The following SLC25A12 variants were observed in gnomAD, a reference collection of about 807,000 sequenced individuals.
SLC25A12 encodes the protein electrogenic aspartate/glutamate antiporter SLC25A12, mitochondrial.
A neutral mutation model predicts 83.3 loss-of-function variants in SLC25A12; 32 were observed. That is an observed-to-expected ratio of 0.38 (90% CI 0.29 to 0.52). SLC25A12 has a LOEUF of 0.52. Ranked by LOEUF, SLC25A12 falls within the 20% of genes least tolerant of loss-of-function variation. SLC25A12 has a pLI of 0.84. For synonymous variants in SLC25A12, 267 were observed against 291.1 expected, an observed-to-expected ratio of 0.92 and a Z score of 0.84; for missense variants, 611 against 835.6, an observed-to-expected ratio of 0.73 and a Z score of 3.31.
chr2:171,807,327 G>A (rs543874593), intron 13 of SLC25A12, among the ~76,000 whole-genome samples: 1 of 152,120 alleles, frequency 6.6e-6, no homozygotes, highest in Non-Finnish European at 1.5e-5. Context: ...GATTTAGAGT[G>A]TCAGCACAAC....
intron 6 of SLC25A12, among the ~76,000 whole-genome samples, chr2:171,836,765 G>C (rs2105888444): frequency 6.6e-6 from 1 of 152,258 alleles, no homozygotes; most frequent in African/African-American, 2.4e-5. Flanking sequence ...ACTGGAAAAA[G>C]TAATTGCTCA....
intron 9 of SLC25A12, among the ~76,000 whole-genome samples, chr2:171,818,951 G>A (rs549290591): frequency 2.6e-5 from 4 of 151,444 alleles, no homozygotes; most frequent in African/African-American, 7.3e-5. Flanking sequence ...TAAGGCTAGA[G>A]AAAACAAAAC....
chr2:171,786,337 T>G (rs1358891507), intron 17 of SLC25A12, among the ~76,000 whole-genome samples: 1 of 132,498 alleles, frequency 7.5e-6, no homozygotes, highest in Non-Finnish European at 1.5e-5. Flanking sequence ...TGAGCCGAGA[T>G]CGTACCACTG....
intron 2 of SLC25A12, among the ~76,000 whole-genome samples, chr2:171,870,400 C>G (rs1175391644): frequency 1.3e-5 from 2 of 151,748 alleles, no homozygotes; most frequent in African/African-American, 4.8e-5. Context: ...AGGCGGGCAA[C>G]TGCTTGAGCC....
chr2:171,789,413 A>G (rs1690554352), intron 15 of SLC25A12, among the ~76,000 whole-genome samples: 1 of 152,040 alleles, frequency 6.6e-6, no homozygotes, highest in Admixed American at 6.6e-5. Flanking sequence ...TATTTTTAGT[A>G]GAGACGGGGT....
chr2:171,817,445 T>C (rs969861669), intron 9 of SLC25A12, among the ~76,000 whole-genome samples: 11 of 151,474 alleles, frequency 7.3e-5, no homozygotes, highest in African/African-American at 1.7e-4. Context: ...CTACTAAAAA[T>C]ACAAAAATTA....
intron 3 of SLC25A12, among the ~76,000 whole-genome samples, chr2:171,867,202 A>G (rs1239280238): frequency 8.6e-5 from 13 of 150,706 alleles, no homozygotes; most frequent in African/African-American, 3.2e-4. Context: ...GCGGCCAGGC[A>G]GAGACGCTCC....
At chr2:171,881,062 G>C (rs139185248) in intron 2 of SLC25A12, among the ~76,000 whole-genome samples, 152 of 152,218 alleles carry the variant, frequency 1.0e-3, no homozygotes, top group Middle Eastern at 3.4e-3. Flanking sequence ...ACTTAAAATA[G>C]TGCCTGATAC....
intron 2 of SLC25A12, among the ~76,000 whole-genome samples, chr2:171,886,716 T>C (rs1230779182): frequency 2.0e-5 from 3 of 152,172 alleles, no homozygotes; most frequent in East Asian, 1.9e-4. Flanking sequence ...TTCACCATGT[T>C]AGCCAGGATG....
chr2:171,786,518 G>A (rs1206703045), intron 17 of SLC25A12, among the ~76,000 whole-genome samples: 2 of 151,362 alleles, frequency 1.3e-5, no homozygotes, highest in African/African-American at 4.9e-5. Flanking sequence ...CACTTTTTTT[G>A]CATAGGTCCC....
intron 9 of SLC25A12, 71 bp from the exon 10 acceptor site, chr2:171,815,273 C>T (rs1372390197): frequency 7.5e-6 from 8 of 1,066,574 alleles, no homozygotes; most frequent in Admixed American, 5.2e-5. Context: ...TACAATTTGA[C>T]TATTTTAAGA....
rs182032405 is a variant in SLC25A12 at position 171,783,658 on chromosome 2, C to G, written c.*1616G>C. Among the ~76,000 whole-genome samples the G allele has an allele frequency of 3.3e-5, 5 of 152,296 alleles. No individual in the cohort carries two copies. The highest frequency in any genetic ancestry group is 1.2e-4 in the African/African-American group (5 of 41,562). ...AAGCGGGACACTTTCCCATCTCACT[C>G]TAGATACATACATAGGATTCTTTTG... is the stretch of plus-strand genomic sequence containing the variant. On this transcript the variant is annotated 3_prime_UTR_variant, in exon 18 of 18. Coordinates refer to ENST00000422440, the MANE Select transcript of SLC25A12 (RefSeq NM_003705.5).
intron 3 of SLC25A12, among the ~76,000 whole-genome samples, chr2:171,864,966 T>C (rs1685254263): frequency 6.6e-6 from 1 of 152,236 alleles, no homozygotes; most frequent in Admixed American, 6.5e-5. Context: ...GGCTGTTCAA[T>C]TAATGTTTGC....
At chr2:171,831,735 C>T (rs1429667557) in intron 8 of SLC25A12, among the ~76,000 whole-genome samples, 1 of 151,974 alleles carries the variant, frequency 6.6e-6, no homozygotes, top group Non-Finnish European at 1.5e-5. Flanking sequence ...GCTGTCGCTA[C>T]TAAAAATACA....
At chr2:171,792,916 G>C (rs567669859) in intron 14 of SLC25A12, among the ~76,000 whole-genome samples, 2 of 152,278 alleles carry the variant, frequency 1.3e-5, no homozygotes, top group African/African-American at 4.8e-5. Context: ...AGATGCTGTG[G>C]AAACACACTT....
intron 15 of SLC25A12, 41 bp downstream of exon 15, chr2:171,791,409 TA>T: frequency 6.5e-7 from 1 of 1,545,780 alleles, no homozygotes; most frequent in Non-Finnish European, 8.9e-7. Flanking sequence ...ACTTTTTAAA[TA>T]ATGGGAGAAT....
chr2:171,791,629 CTGAG>C (rs373347292), intron 14 of SLC25A12, 40 bp from the exon 15 acceptor site: 11 of 1,605,678 alleles, frequency 6.9e-6, no homozygotes, highest in Middle Eastern at 3.3e-4. Context: ...CAGTGTGAAA[CTGAG>C]TGTGAATGCC....
chr2:171,853,873 G>A (rs974293890), intron 4 of SLC25A12, among the ~76,000 whole-genome samples: 1 of 152,068 alleles, frequency 6.6e-6, no homozygotes, highest in Non-Finnish European at 1.5e-5. Context: ...TATAATAATC[G>A]AAACTGGGAA....
At chr2:171,819,198 AT>A (rs1249304582) in intron 9 of SLC25A12, among the ~76,000 whole-genome samples, 11 of 135,032 alleles carry the variant, frequency 8.1e-5, no homozygotes, top group African/African-American at 3.0e-4. Flanking sequence ...CGTATTATAT[AT>A]TAATATATAA....
Sources: gnomAD v4.1 joint callset for allele counts (sites outside exome capture counted in the v4.1 genomes callset) on GRCh38, gnomAD v4.1.1 for gene constraint, MANE v1.5 for transcripts, NCBI Gene and HGNC (gene_info 2026-07-23, HGNC 2026-07-21) for gene names.